Variants in SCUBE1 observed in about 807,000 individuals in gnomAD.
SCUBE1 encodes the protein signal peptide, CUB domain and EGF like domain containing 1, also known as signal peptide, CUB and EGF-like domain-containing protein 1.
Under a neutral mutation model 124.4 loss-of-function variants are expected in SCUBE1, and 59 were observed. That is an observed-to-expected ratio of 0.47 (90% CI 0.38 to 0.59). SCUBE1 has a LOEUF of 0.59. Among genes scored for constraint, SCUBE1 ranks in the 20% least tolerant of loss-of-function variants. SCUBE1 has a pLI of 0.00. For missense variants in SCUBE1, 1,150 were observed against 1,371.2 expected (o/e 0.84, Z 2.55); for synonymous variants, 545 against 550.9 (o/e 0.99, Z 0.15).
intron 11 of SCUBE1, 97 bp from the exon 12 acceptor site, chr22:43,222,839 G>T: frequency 1.9e-6 from 2 of 1,051,918 alleles, no homozygotes; most frequent in Admixed American, 2.2e-5. Context: ...GTGAGACGAA[G>T]ATCAGGACAG....
At chr22:43,311,423 CTTT>C (rs5845592) in intron 3 of SCUBE1, among the ~76,000 whole-genome samples, 12 of 134,832 alleles carry the variant, frequency 8.9e-5, no homozygotes, top group African/African-American at 8.2e-5. Context: ...TAATGTAGCA[CTTT>C]TTTTTTTTTT....
intron 1 of SCUBE1, among the ~76,000 whole-genome samples, chr22:43,341,412 A>G (rs1927312776): frequency 6.6e-6 from 1 of 152,176 alleles, no homozygotes; most frequent in African/African-American, 2.4e-5. Flanking sequence ...GGGGTCACTT[A>G]TGAGACAGGA....
intron 4 of SCUBE1, chr22:43,270,379 T>C (rs1569004065): frequency 6.6e-6 from 1 of 152,248 alleles, no homozygotes; most frequent in Non-Finnish European, 1.5e-5. Flanking sequence ...ACTTAACAGC[T>C]GAGAACGCTG....
chr22:43,262,370 A>AT (rs1159009455), intron 5 of SCUBE1, among the ~76,000 whole-genome samples: 7 of 152,094 alleles, frequency 4.6e-5, no homozygotes, highest in African/African-American at 1.7e-4. Flanking sequence ...TGTACTACTC[A>AT]TTACCAGGGG....
In SCUBE1 at chr22:43,218,526, G is replaced by A. The variant is rs923035264; in HGVS notation, c.1688-68C>T. 1.2e-5 allele frequency: 19 copies of A among 1,544,068 alleles called. No individual in the cohort carries two copies. In the African/African-American group the frequency reaches 2.2e-4, roughly 18 times the overall value. ...TGCTAGCCGCTGCCTTCTTAGCTGA[G>A]GGCTCCCCCGTGCCAGGCCCTGCAC... On this transcript the variant is annotated intron_variant, in intron 14 of 21. Transcript: ENST00000360835.
intron 19 of SCUBE1, among the ~76,000 whole-genome samples, 161 bp downstream of exon 19, chr22:43,209,882 C>T (rs1299012596): frequency 6.6e-6 from 1 of 152,244 alleles, no homozygotes; most frequent in Non-Finnish European, 1.5e-5. Context: ...AAGTGGGTTT[C>T]AACCCTGCCT....
rs147612166 is a variant in SCUBE1 at position 43,210,152 on chromosome 22, G to A, written c.2472C>T (p.Cys824=). 116 of 1,610,700 alleles carry A rather than the reference G, an allele frequency of 7.2e-5. No individual in the cohort carries two copies. The African/African-American group carries it at 1.2e-3, about 17-fold the overall frequency. The change falls in exon 19 of 22, where the codon TGC becomes TGT. Residue 824 remains cysteine (C), a synonymous_variant. Coordinates refer to ENST00000360835, the MANE Select transcript of SCUBE1 (RefSeq NM_173050.5). The surrounding 1 kb of genome is among the most constrained non-coding windows in gnomAD (Gnocchi z 4.5). ...YPGDYPANAE[C]VWHIAPPPKR... is the part of the protein sequence containing the mutation. ...TTGGGGGAGGCGCGATGTGCCAGAC[G>A]CATTCAGCGTTGGCTGGGTAGTCGC... is the stretch of plus-strand genomic sequence containing the variant.
chr22:43,319,795 G>C, intron 3 of SCUBE1, 142 bp downstream of exon 3: 1 of 944,822 alleles, frequency 1.1e-6, no homozygotes, highest in Non-Finnish European at 1.6e-6. Context: ...CCCAGTCTGT[G>C]GTATTTTGTT....
chr22:43,278,879 A>G (rs1179917155), intron 4 of SCUBE1, among the ~76,000 whole-genome samples: 4 of 152,042 alleles, frequency 2.6e-5, no homozygotes. Context: ...AGGAGGGTGG[A>G]GCTGGGCCTG....
At chr22:43,278,169 G>A (rs986186942) in intron 4 of SCUBE1, among the ~76,000 whole-genome samples, 3 of 152,356 alleles carry the variant, frequency 2.0e-5, no homozygotes, top group Admixed American at 6.5e-5. Context: ...ATTCCGGACC[G>A]CACAGGGCCA....
rs1462953644 is a variant in SCUBE1 at position 43,204,266 on chromosome 22, C to G, written c.2815-117G>C. 3.7e-6 allele frequency: 3 copies of G among 812,106 alleles called. No homozygotes were observed. In the African/African-American group the frequency reaches 5.2e-5, roughly 14 times the overall value. 50.3% of individuals were successfully genotyped at this position (812,106 alleles called of 1,614,324 possible). A position where few individuals can be genotyped will look rare whatever the true frequency, so the allele number is the denominator to read the frequency against. On this transcript the variant is annotated intron_variant, in intron 21 of 21. Transcript: ENST00000360835. Reference sequence around the variant, plus strand: ...CTGGCTGGTGGGTTTCAGGACCCCACAGACCTTCTTTTGGTTTTAATAGTA... The same window carrying G: ...CTGGCTGGTGGGTTTCAGGACCCCAGAGACCTTCTTTTGGTTTTAATAGTA...
chr22:43,215,317 C>G (rs1190466752), intron 15 of SCUBE1, among the ~76,000 whole-genome samples: 1 of 152,164 alleles, frequency 6.6e-6, no homozygotes, highest in Admixed American at 6.5e-5. Context: ...TGGATCACCA[C>G]GCAATGAGTA....
chr22:43,239,585 G>A (rs1922917413), intron 6 of SCUBE1, among the ~76,000 whole-genome samples: 1 of 152,276 alleles, frequency 6.6e-6, no homozygotes, highest in Non-Finnish European at 1.5e-5. Flanking sequence ...ATTCAAAGGG[G>A]CTAGAGTGGC....
At chr22:43,205,079 G>T (rs1334090585) in intron 21 of SCUBE1, among the ~76,000 whole-genome samples, 4 of 152,140 alleles carry the variant, frequency 2.6e-5, no homozygotes, top group African/African-American at 9.7e-5. Context: ...ATCACTTCAG[G>T]CCTGCTCGCT....
intron 4 of SCUBE1, among the ~76,000 whole-genome samples, chr22:43,267,197 G>A (rs896753249): frequency 6.6e-6 from 1 of 152,180 alleles, no homozygotes; most frequent in South Asian, 2.1e-4. Flanking sequence ...GGGGAGACAT[G>A]AGCTTCATTC....
chr22:43,323,188 T>G (rs1926613565), intron 2 of SCUBE1, among the ~76,000 whole-genome samples: 1 of 152,068 alleles, frequency 6.6e-6, no homozygotes, highest in Non-Finnish European at 1.5e-5. Context: ...CAAATACCCA[T>G]TTACCCATCT....
chr22:43,261,590 C>T (rs1014239126), intron 5 of SCUBE1, among the ~76,000 whole-genome samples: 11 of 152,210 alleles, frequency 7.2e-5, no homozygotes, highest in African/African-American at 2.4e-4. Context: ...CCAACAAGGG[C>T]CAGCTGTCCT....
chr22:43,295,241 A>C (rs1028489134), intron 3 of SCUBE1, among the ~76,000 whole-genome samples: 10 of 152,126 alleles, frequency 6.6e-5, no homozygotes, highest in Admixed American at 5.2e-4. Context: ...TCCTCCGTGT[A>C]GTCTTTCTGG....
At chr22:43,229,302 C>T (rs1457879236) in intron 8 of SCUBE1, 114 bp from the exon 9 acceptor site, 5 of 766,934 alleles carry the variant, frequency 6.5e-6, no homozygotes, top group Admixed American at 5.6e-5. Flanking sequence ...AGTCCCTGGG[C>T]GCAGGCGCAG....
Sources: allele counts gnomAD v4.1 joint callset (sites outside exome capture counted in the v4.1 genomes callset), GRCh38; gene constraint gnomAD v4.1.1; non-coding constraint Gnocchi (gnomAD v3.1); transcripts MANE v1.5; gene names NCBI Gene and HGNC (gene_info 2026-07-23, HGNC 2026-07-21).